Variants in PLEKHA7 observed in about 807,000 individuals in gnomAD.
PLEKHA7 encodes pleckstrin homology domain-containing family A member 7.
In PLEKHA7, 104 loss-of-function variants were observed where a neutral mutation model predicts 170.0. The ratio of observed to expected loss-of-function variants is 0.61; its 90% CI spans 0.52 to 0.72. PLEKHA7 has a LOEUF of 0.72. PLEKHA7 is among the 30% of genes least tolerant of loss of function. PLEKHA7 has a pLI of 0.00. For synonymous variants in PLEKHA7, 648 were observed against 660.8 expected (o/e 0.98, Z 0.30); for missense variants, 1,615 against 1,671.7 (o/e 0.97, Z 0.59).
chr11:16,911,808 T>C (rs7481075), intron 3 of PLEKHA7, among the ~76,000 whole-genome samples: 80,391 of 151,940 alleles, frequency 0.53, 22,202 homozygotes, highest in African/African-American at 0.67. Context: ...TAATCCAGTC[T>C]CTGTGCTGAT....
chr11:16,940,625 G>A (rs565591959), intron 3 of PLEKHA7, among the ~76,000 whole-genome samples: 12 of 151,898 alleles, frequency 7.9e-5, no homozygotes, highest in Non-Finnish European at 1.8e-4. Flanking sequence ...CAGATGCTTT[G>A]TACTAGTAGA....
chr11:16,817,351 GCAAC>G lies in PLEKHA7; in HGVS notation c.1344-33_1344-30del. On this transcript the variant is annotated intron_variant, in intron 10 of 26. Coordinates refer to ENST00000531066, the MANE Select transcript of PLEKHA7 (RefSeq NM_001329630.2). The surrounding 1 kb of genome is among the most constrained non-coding windows in gnomAD (Gnocchi z 4.4). ...AGGAGAAAGGGTAAGAACGGGTCAGGCAACCAAGCGAGGGTTCTGCAGGCTTTGG... is the reference window on the plus strand; with the variant it reads ...AGGAGAAAGGGTAAGAACGGGTCAGGCAAGCGAGGGTTCTGCAGGCTTTGG... 6.4e-7 allele frequency: 1 copy of G among 1,569,438 alleles called. No homozygotes were observed. The highest frequency in any genetic ancestry group is 1.2e-5 in the South Asian group (1 of 86,816).
chr11:16,975,087 G>A lies in PLEKHA7; in HGVS notation c.221+38902C>T. ...ACTATGTATATATGTACAGTTCTAT[G>A]AGATTTCATCACATGCATACATTCA... On this transcript the variant is annotated intron_variant, in intron 3 of 26. Coordinates refer to ENST00000531066, the MANE Select transcript of PLEKHA7 (RefSeq NM_001329630.2). 9.3e-6 allele frequency: 6 copies of A among 644,836 alleles called. 2 individuals are homozygous for A. Among genetic ancestry groups the A allele is most frequent in the Non-Finnish European group, 1.3e-5 (6 of 463,158 alleles). The allele number at this position is 644,836 out of a possible 1,614,324, so 39.9% of individuals were successfully genotyped here. A position where few individuals can be genotyped will look rare whatever the true frequency, so the allele number is the denominator to read the frequency against.
chr11:16,794,134 G>T (rs534183686), intron 19 of PLEKHA7, among the ~76,000 whole-genome samples: 69 of 151,940 alleles, frequency 4.5e-4, no homozygotes, highest in African/African-American at 1.6e-3. Flanking sequence ...AGCCCCCTGC[G>T]GATTTGCACA....
At chr11:16,832,594 T>C (rs1851203939) in intron 9 of PLEKHA7, among the ~76,000 whole-genome samples, 1 of 152,192 alleles carries the variant, frequency 6.6e-6, no homozygotes, top group African/African-American at 2.4e-5. Context: ...ATCTTAATGC[T>C]AAATGCACAC....
intron 3 of PLEKHA7, among the ~76,000 whole-genome samples, chr11:16,966,957 A>G (rs1247792809): frequency 2.6e-5 from 4 of 152,172 alleles, no homozygotes; most frequent in African/African-American, 4.8e-5. Flanking sequence ...GAAATGGTTC[A>G]TCTACAAATG....
intron 3 of PLEKHA7, among the ~76,000 whole-genome samples, chr11:16,996,462 A>T (rs1386818244): frequency 1.3e-5 from 2 of 152,212 alleles, no homozygotes; most frequent in Non-Finnish European, 2.9e-5. Context: ...CCTATAACGT[A>T]GCCCCTGACA....
rs963435474 is a variant in PLEKHA7, at chr11:16,884,189, G to A, written c.222-13007C>T. On this transcript the variant is annotated intron_variant, in intron 3 of 26. Transcript: ENST00000531066. The stretch of plus-strand genomic sequence containing the variant: ...CAGTCCTTTGAGAGATGATCCACAG[G>A]CCCATCCCATATGCCAACCTATCCC... 2.0e-5 allele frequency among the ~76,000 whole-genome samples: 3 copies of A among 152,018 alleles called. No individual in the cohort carries two copies. The East Asian group carries it at 5.8e-4, about 29-fold the overall frequency.
At chr11:16,881,355 T>C (rs1036556365) in intron 3 of PLEKHA7, 1 of 152,158 alleles carries the variant, frequency 6.6e-6, no homozygotes, top group Non-Finnish European at 1.5e-5. Context: ...TAGGTTCAGG[T>C]CAGACAGGGA....
chr11:16,995,225 C>A (rs1421752754), intron 3 of PLEKHA7, among the ~76,000 whole-genome samples: 1 of 152,186 alleles, frequency 6.6e-6, no homozygotes, highest in Non-Finnish European at 1.5e-5. Context: ...CAAGCCGAGG[C>A]AACCACATAG....
At chr11:16,853,450 C>G (rs1397438563) in intron 6 of PLEKHA7, among the ~76,000 whole-genome samples, 1 of 152,196 alleles carries the variant, frequency 6.6e-6, no homozygotes, top group African/African-American at 2.4e-5. Context: ...GACCTCTTAT[C>G]TATGCTTCCA....
Position 16,990,944 on chromosome 11 carries a change from T to C in PLEKHA7, c.221+23045A>G, listed in dbSNP as rs561567554. Among the ~76,000 whole-genome samples the C allele has an allele frequency of 1.3e-5, 2 of 152,380 alleles. 1 individual carries two copies. Among genetic ancestry groups the C allele is most frequent in the South Asian group, 4.1e-4 (2 of 4,834 alleles). ...TCAATGGGCATTTGAATATCCCCAA[T>C]GTTTAGCTGGTAAGCCAACCCATTT... On this transcript the variant is annotated intron_variant, in intron 3 of 26. Transcript: ENST00000531066.
At chr11:16,878,404 TA>T (rs1237514724) in intron 3 of PLEKHA7, among the ~76,000 whole-genome samples, 1 of 152,038 alleles carries the variant, frequency 6.6e-6, no homozygotes, top group Non-Finnish European at 1.5e-5. Flanking sequence ...ACACACAGAG[TA>T]AAAAATAAGC....
intron 3 of PLEKHA7, among the ~76,000 whole-genome samples, chr11:17,005,152 C>T (rs1590833190): frequency 6.6e-6 from 1 of 152,214 alleles, no homozygotes; most frequent in African/African-American, 2.4e-5. Flanking sequence ...CCTGCCCCTG[C>T]ACACGTTTCT....
chr11:16,891,457 C>A (rs893254374), intron 3 of PLEKHA7, among the ~76,000 whole-genome samples: 2 of 152,134 alleles, frequency 1.3e-5, no homozygotes, highest in Non-Finnish European at 2.9e-5. Context: ...TGATTTTCGA[C>A]TTCTTGTCTC....
chr11:16,927,524 C>T (rs1321620123), intron 3 of PLEKHA7, among the ~76,000 whole-genome samples: 3 of 152,232 alleles, frequency 2.0e-5, no homozygotes, highest in African/African-American at 4.8e-5. Flanking sequence ...TTCATGTACT[C>T]TTTCCAGGAT....
chr11:16,837,943 G>A (rs894017162), intron 9 of PLEKHA7, among the ~76,000 whole-genome samples: 12 of 152,162 alleles, frequency 7.9e-5, no homozygotes, highest in Non-Finnish European at 1.5e-4. Context: ...AGGGAAATTG[G>A]GCTTGAGAAA....
At chr11:16,876,161 T>A (rs772694092) in intron 3 of PLEKHA7, among the ~76,000 whole-genome samples, 49 of 152,300 alleles carry the variant, frequency 3.2e-4, no homozygotes, top group Non-Finnish European at 5.3e-4. Context: ...CTAACACCCA[T>A]GAAGAGTCTC....
At chr11:16,826,713 T>C (rs1017237670) in intron 9 of PLEKHA7, 123 bp from the exon 10 acceptor site, 39 of 866,910 alleles carry the variant, frequency 4.5e-5, no homozygotes, top group Middle Eastern at 3.4e-4. Flanking sequence ...ACGCCTTTCA[T>C]GCTCATGTCC....
Sources: gnomAD v4.1 joint callset for allele counts (sites outside exome capture counted in the v4.1 genomes callset) on GRCh38, gnomAD v4.1.1 for gene constraint, Gnocchi (gnomAD v3.1) non-coding constraint, MANE v1.5 for transcripts, NCBI Gene and HGNC (gene_info 2026-07-23, HGNC 2026-07-21) for gene names.